GTF2E2: variants seen among roughly 807,000 people sequenced by gnomAD.
The protein encoded by GTF2E2 is transcription initiation factor IIE subunit beta.
A neutral mutation model predicts 40.5 loss-of-function variants in GTF2E2; 21 were observed. That is an observed-to-expected ratio of 0.52 (90% CI 0.37 to 0.75). The LOEUF is 0.75. GTF2E2 is among the 30% of genes least tolerant of loss of function. The pLI, the probability that GTF2E2 is intolerant of heterozygous loss-of-function variation, is 0.00. For missense variants in GTF2E2, 298 were observed against 338.4 expected (o/e 0.88, Z 0.94); for synonymous variants, 117 against 121.6 (o/e 0.96, Z 0.25).
intron 3 of GTF2E2, among the ~76,000 whole-genome samples, chr8:30,617,967 C>T (rs2151132942): frequency 6.6e-6 from 1 of 152,226 alleles, no homozygotes; most frequent in South Asian, 2.1e-4. Context: ...TTCTTTAGAA[C>T]ATTTATTAAA....
intron 3 of GTF2E2, among the ~76,000 whole-genome samples, chr8:30,615,210 A>G (rs1450307927): frequency 6.6e-6 from 1 of 152,004 alleles, no homozygotes; most frequent in Non-Finnish European, 1.5e-5. Flanking sequence ...ACCTGGGAAG[A>G]GGAGGCTGCA....
rs532050697 is a variant in GTF2E2, at chr8:30,615,865, C to T, written c.259-1150G>A. Reference sequence around the variant, plus strand: ...CAAAAAATTATGTACATACAAAAATCCACTAAGGATGCTTATTACAGCTTT... The same window carrying T: ...CAAAAAATTATGTACATACAAAAATTCACTAAGGATGCTTATTACAGCTTT... On this transcript the variant is annotated intron_variant, in intron 3 of 7. Transcript: ENST00000355904. Among the ~76,000 whole-genome samples, 121 of 152,262 alleles carry T rather than the reference C, an allele frequency of 7.9e-4. 1 individual carries two copies. The highest frequency in any genetic ancestry group is 2.5e-3 in the African/African-American group (104 of 41,528).
chr8:30,621,698 T>C (rs1438438846), intron 3 of GTF2E2, among the ~76,000 whole-genome samples: 5 of 152,104 alleles, frequency 3.3e-5, no homozygotes, highest in African/African-American at 1.2e-4. Context: ...CTTTATTTGG[T>C]AACCTTACTG....
rs1490225393 is a variant in GTF2E2 at position 30,635,122 on chromosome 8, A to G, written c.168T>C (p.Asp56=). The change falls in exon 3 of 8, where the codon GAT becomes GAC. Residue 56 remains aspartate, a splice_region_variant and synonymous_variant. Transcript: ENST00000355904. ...TCAAGTTAAATGATCCATTGCTATG[A>G]TCTGCAAATGAAGTTCAAAATAACA... ...GGSSGSKQNS[D]HSNGSFNLKA... 1 of 1,569,928 alleles carries G rather than the reference A, an allele frequency of 6.4e-7. No homozygotes were observed. Among genetic ancestry groups the G allele is most frequent in the Non-Finnish European group, 8.8e-7 (1 of 1,142,174 alleles).
intron 2 of GTF2E2, among the ~76,000 whole-genome samples, chr8:30,643,161 A>G (rs542322461): frequency 6.6e-6 from 1 of 152,232 alleles, no homozygotes; most frequent in Non-Finnish European, 1.5e-5. Flanking sequence ...AATTTAAGGA[A>G]TTATATTGTT....
At position 30,607,116 on chromosome 8, in the gene GTF2E2, G is replaced by C. The variant is rs1423308029; in HGVS notation, c.584C>G (p.Pro195Arg). Residue 195 changes from proline to arginine, a missense_variant, in exon 6 of 8, where the codon CCC (proline) becomes CGC (arginine). Physicochemically the swap from Pro to Arg is moderately radical, Grantham distance 103 (BLOSUM62 -2). Transcript: ENST00000355904. ...LGDQILFVNRPDKKKILFFND... is the reference protein window; with the variant it reads ...LGDQILFVNRRDKKKILFFND... ...GAAGAAAAGTATTTTCTTCTTATCG[G>C]GACGATTTACAAATAGTATCTGGTC... 6.7e-7 allele frequency: 1 copy of C among 1,486,752 alleles called. No homozygotes were observed. Among genetic ancestry groups the C allele is most frequent in the Non-Finnish European group, 9.3e-7 (1 of 1,078,438 alleles). The allele number at this position is 1,486,752 out of a possible 1,614,324, so 92.1% of individuals were successfully genotyped here.
intron 1 of GTF2E2, among the ~76,000 whole-genome samples, chr8:30,654,563 C>G (rs940629707): frequency 1.8e-4 from 27 of 152,054 alleles, no homozygotes; most frequent in Non-Finnish European, 2.2e-4. Context: ...CCACCACACA[C>G]AGTTAATTTT....
chr8:30,645,672 A>G (rs1802048773), intron 2 of GTF2E2: 3 of 1,391,284 alleles, frequency 2.2e-6, no homozygotes, highest in Admixed American at 2.7e-5. Context: ...TTCTGAGGCC[A>G]ACTGTTGCTA....
At chr8:30,648,217 C>T (rs558377520) in intron 2 of GTF2E2, among the ~76,000 whole-genome samples, 3 of 152,282 alleles carry the variant, frequency 2.0e-5, no homozygotes, top group East Asian at 3.9e-4. Flanking sequence ...GTCAGTATCA[C>T]TAGGACAGAG....
intron 2 of GTF2E2, chr8:30,645,278 T>C (rs1276493653): frequency 2.7e-6 from 4 of 1,508,502 alleles, no homozygotes; most frequent in African/African-American, 1.4e-5. Context: ...ACCTTTTTTA[T>C]AGATTCAAAA....
At chr8:30,656,727 G>A (rs1254022620) in intron 1 of GTF2E2, 1 of 147,252 alleles carries the variant, frequency 6.8e-6, no homozygotes, top group Non-Finnish European at 1.5e-5. Flanking sequence ...AGAATCGCTT[G>A]AACCAGGGAC....
At chr8:30,618,313 A>C (rs966381083) in intron 3 of GTF2E2, among the ~76,000 whole-genome samples, 1 of 151,838 alleles carries the variant, frequency 6.6e-6, no homozygotes, top group Non-Finnish European at 1.5e-5. Flanking sequence ...ACGCTTTACT[A>C]ATAGTGAATA....
chr8:30,617,269 C>T (rs185166840), intron 3 of GTF2E2, among the ~76,000 whole-genome samples: 1 of 152,252 alleles, frequency 6.6e-6, no homozygotes, highest in East Asian at 1.9e-4. Context: ...ACACACCACA[C>T]AAAAGAACCA....
intron 3 of GTF2E2, among the ~76,000 whole-genome samples, chr8:30,622,438 T>A (rs370582748): frequency 6.6e-6 from 1 of 151,410 alleles, no homozygotes; most frequent in Non-Finnish European, 1.5e-5. Flanking sequence ...CACAAGATAA[T>A]AGAGTATCAC....
chr8:30,598,098 C>T (rs1290780382), intron 6 of GTF2E2, among the ~76,000 whole-genome samples: 3 of 152,142 alleles, frequency 2.0e-5, no homozygotes, highest in Non-Finnish European at 4.4e-5. Flanking sequence ...ATATGTATTA[C>T]ATATCTGTCC....
In GTF2E2 at chr8:30,627,536, T is replaced by C. The variant is rs142844220; in HGVS notation, c.258+7496A>G. Among the ~76,000 whole-genome samples the C allele has an allele frequency of 5.1e-4, 76 of 150,412 alleles. 1 individual carries two copies. Among genetic ancestry groups the C allele is most frequent in the African/African-American group, 1.8e-3 (75 of 40,810 alleles). On this transcript the variant is annotated intron_variant, in intron 3 of 7. Coordinates refer to ENST00000355904, the MANE Select transcript of GTF2E2 (RefSeq NM_002095.6). ...AAATCCTCGGAAATGAAATTTAAGATGTCTTGAATGGGCCAGATGCAGTGG... is the reference window on the plus strand; with the variant it reads ...AAATCCTCGGAAATGAAATTTAAGACGTCTTGAATGGGCCAGATGCAGTGG...
At chr8:30,638,549 C>T (rs1486262112) in intron 2 of GTF2E2, 5 of 152,564 alleles carry the variant, frequency 3.3e-5, no homozygotes, top group Non-Finnish European at 7.4e-5. Context: ...GTGGTTCAAC[C>T]AATAGAAGCA....
rs756189375 is a variant in GTF2E2 at position 30,613,925 on chromosome 8, G to A, written c.366+683C>T. On this transcript the variant is annotated intron_variant, in intron 4 of 7. Transcript: ENST00000355904. ...TGATGTGTGTTCATACACAGCATTC[G>A]CGACTTTTTTTCCACATCAAGCCAT... Among the ~76,000 whole-genome samples the A allele has an allele frequency of 5.3e-5, 8 of 152,106 alleles. No homozygotes were observed. In the South Asian group the frequency reaches 8.3e-4, roughly 16 times the overall value.
chr8:30,605,038 T>C (rs1424834053), intron 6 of GTF2E2, among the ~76,000 whole-genome samples: 1 of 152,178 alleles, frequency 6.6e-6, no homozygotes, highest in Non-Finnish European at 1.5e-5. Flanking sequence ...CACAGTGTAC[T>C]CCTAAAATAA....
Sources: gnomAD v4.1 joint callset for allele counts (sites outside exome capture counted in the v4.1 genomes callset) on GRCh38, gnomAD v4.1.1 for gene constraint, MANE v1.5 for transcripts, NCBI Gene and HGNC (gene_info 2026-07-23, HGNC 2026-07-21) for gene names.